Variants in GRB10 observed in about 807,000 individuals in gnomAD.
GRB10 encodes growth factor receptor bound protein 10.
In GRB10, 20 loss-of-function variants were observed where a neutral mutation model predicts 80.9. The ratio of observed to expected loss-of-function variants is 0.25; its 90% CI spans 0.17 to 0.36. GRB10 has a LOEUF of 0.36. Ranked by LOEUF, GRB10 falls within the 10% of genes least tolerant of loss-of-function variation. GRB10 has a pLI of 1.00. For missense variants in GRB10, 548 were observed against 747.7 expected (o/e 0.73, Z 3.12); for synonymous variants, 291 against 291.5 (o/e 1.00, Z 0.02).
intron 5 of GRB10, among the ~76,000 whole-genome samples, chr7:50,682,636 G>T (rs1255586418): frequency 6.6e-6 from 1 of 152,084 alleles, no homozygotes; most frequent in African/African-American, 2.4e-5. Context: ...TGTACTTTTT[G>T]GCTTGTCACT....
Position 50,782,700 on chromosome 7 carries a change from G to A in GRB10, c.-603C>T, listed in dbSNP as rs2078432162. 1 of 151,968 alleles carries A rather than the reference G, an allele frequency of 6.6e-6. No homozygotes were observed. The highest frequency in any genetic ancestry group is 2.4e-5 in the African/African-American group (1 of 41,420). The allele number at this position is 151,968 out of a possible 1,614,324, so 9.4% of individuals were successfully genotyped here. A position where few individuals can be genotyped will look rare whatever the true frequency, so the allele number is the denominator to read the frequency against. On this transcript the variant is annotated 5_prime_UTR_variant, in exon 1 of 19. Coordinates refer to ENST00000401949, the MANE Select transcript of GRB10 (RefSeq NM_001350814.2). The surrounding 1 kb of genome is among the most constrained non-coding windows in gnomAD (Gnocchi z 6.6). ...ACGCCGCCTCTGGGGACGCCATCCG[G>A]GCGAGGGTGGGATGCCGCGCCACCG...
chr7:50,685,032 T>C (rs377062734), intron 5 of GRB10, among the ~76,000 whole-genome samples: 14 of 152,312 alleles, frequency 9.2e-5, no homozygotes, highest in East Asian at 7.7e-4. Flanking sequence ...CTGTGCTCTC[T>C]CAGAAAGTCC....
At chr7:50,770,834 T>C (rs1377497521) in intron 2 of GRB10, among the ~76,000 whole-genome samples, 1 of 152,212 alleles carries the variant, frequency 6.6e-6, no homozygotes, top group Admixed American at 6.5e-5. Context: ...GTGAATATTC[T>C]TTTTACATGG....
At chr7:50,623,919 G>A (rs1292177097) in intron 8 of GRB10, among the ~76,000 whole-genome samples, 2 of 151,972 alleles carry the variant, frequency 1.3e-5, no homozygotes, top group Non-Finnish European at 2.9e-5. Context: ...CATTTCCATT[G>A]AGCATCAAAA....
At chr7:50,727,708 CA>C (rs2068874921) in intron 4 of GRB10, 1 of 144,360 alleles carries the variant, frequency 6.9e-6, no homozygotes, top group Admixed American at 7.1e-5. Flanking sequence ...CTCAAATTTA[CA>C]TAAGTATCGC....
At chr7:50,712,974 C>A (rs752041160) in intron 4 of GRB10, among the ~76,000 whole-genome samples, 22 of 152,206 alleles carry the variant, frequency 1.4e-4, no homozygotes, top group Non-Finnish European at 5.9e-5. Context: ...CTGCCCAGAG[C>A]CTGTCAATCT....
At chr7:50,671,167 G>A (rs1406847307) in intron 6 of GRB10, among the ~76,000 whole-genome samples, 1 of 152,136 alleles carries the variant, frequency 6.6e-6, no homozygotes, top group African/African-American at 2.4e-5. Flanking sequence ...AGGCCACGCG[G>A]CCCTGTCTGC....
chr7:50,784,943 G>A (rs1477626487), upstream of GRB10, among the ~76,000 whole-genome samples: 4 of 152,190 alleles, frequency 2.6e-5, no homozygotes, highest in Non-Finnish European at 4.4e-5. Flanking sequence ...ATTTCATCCC[G>A]GGTCCTCTCC....
intron 7 of GRB10, among the ~76,000 whole-genome samples, chr7:50,660,387 A>G (rs4947757): frequency 0.5 from 76,133 of 151,938 alleles, 19,384 homozygotes; most frequent in South Asian, 0.55. Flanking sequence ...AGTGGGGTGG[A>G]GTGGACGTCC....
chr7:50,685,519 G>C (rs529643679), intron 5 of GRB10, among the ~76,000 whole-genome samples: 1 of 152,318 alleles, frequency 6.6e-6, no homozygotes, highest in East Asian at 1.9e-4. Context: ...TTCTGCAAGA[G>C]AGGTGAAGGA....
chr7:50,608,692 C>T (rs375970927), intron 13 of GRB10, among the ~76,000 whole-genome samples: 4 of 152,162 alleles, frequency 2.6e-5, no homozygotes, highest in African/African-American at 7.2e-5. Flanking sequence ...AGGCCGGGCG[C>T]GGTGGTTCAC....
chr7:50,694,458 G>A (rs1221198948), intron 5 of GRB10, among the ~76,000 whole-genome samples: 2 of 152,236 alleles, frequency 1.3e-5, no homozygotes, highest in Non-Finnish European at 1.5e-5. Flanking sequence ...CTAAAAATGA[G>A]TTTTGGGCTC....
In GRB10 at chr7:50,763,456, T is replaced by G. The variant is rs148539436; in HGVS notation, c.-216-7400A>C. Among the ~76,000 whole-genome samples, 307 of 151,910 alleles carry G rather than the reference T, an allele frequency of 2.0e-3. 7 individuals are homozygous for G. The East Asian group carries it at 0.048, about 24-fold the overall frequency. ...ACAGGCATGGGGAGGCCCGCTGGAG[T>G]GGGGGCAGCAGCTTTCAGACTTTAG... On this transcript the variant is annotated intron_variant, in intron 2 of 18. Transcript: ENST00000401949.
intron 5 of GRB10, among the ~76,000 whole-genome samples, chr7:50,697,392 C>T (rs1186260132): frequency 1.3e-5 from 2 of 152,102 alleles, no homozygotes; most frequent in Non-Finnish European, 2.9e-5. Flanking sequence ...AAAGTACATC[C>T]CTCTCTGCTG....
rs2078427720 is a variant in GRB10, at chr7:50,782,661, C to G, written c.-564G>C. 1 of 151,870 alleles carries G rather than the reference C, an allele frequency of 6.6e-6. No individual in the cohort carries two copies. The highest frequency in any genetic ancestry group is 1.5e-5 in the Non-Finnish European group (1 of 67,978). 9.4% of individuals were successfully genotyped at this position (151,870 alleles called of 1,614,324 possible). On this transcript the variant is annotated 5_prime_UTR_variant, in exon 1 of 19. Coordinates refer to ENST00000401949, the MANE Select transcript of GRB10 (RefSeq NM_001350814.2). The surrounding 1 kb of genome is among the most constrained non-coding windows in gnomAD (Gnocchi z 6.6). ...CGCGCGCCAGGCGAACGCGCTAGCACGAAAAGCGGGCCAACGCCGCCTCTG... is the reference window on the plus strand; with the variant it reads ...CGCGCGCCAGGCGAACGCGCTAGCAGGAAAAGCGGGCCAACGCCGCCTCTG...
At chr7:50,713,648 TCACCTCCACCTCCTCCACCAC>T (rs1287846714) in intron 4 of GRB10, among the ~76,000 whole-genome samples, 7 of 41,342 alleles carry the variant, frequency 1.7e-4, no homozygotes, top group African/African-American at 6.5e-4. Context: ...ACCTCCCCCA[TCACCTCCACCTCCTCCACCAC>T]CACCTCCACC....
intron 2 of GRB10, among the ~76,000 whole-genome samples, chr7:50,778,974 A>G (rs1220690948): frequency 1.3e-5 from 2 of 152,216 alleles, no homozygotes; most frequent in Admixed American, 1.3e-4. Context: ...CAGGAATCCA[A>G]ACAAATGTCA....
At chr7:50,706,161 G>A (rs1054038972) in intron 4 of GRB10, among the ~76,000 whole-genome samples, 7 of 152,288 alleles carry the variant, frequency 4.6e-5, no homozygotes, top group African/African-American at 1.2e-4. Context: ...TAGCATTCCC[G>A]TGGTCTTTGC....
At chr7:50,661,201 G>T (rs1366327329) in intron 7 of GRB10, among the ~76,000 whole-genome samples, 1 of 152,212 alleles carries the variant, frequency 6.6e-6, no homozygotes, top group African/African-American at 2.4e-5. Flanking sequence ...AGCAAAGATG[G>T]TCTAACATAT....
Sources: allele counts gnomAD v4.1 joint callset (sites outside exome capture counted in the v4.1 genomes callset), GRCh38; gene constraint gnomAD v4.1.1; non-coding constraint Gnocchi (gnomAD v3.1); transcripts MANE v1.5; gene names NCBI Gene and HGNC (gene_info 2026-07-23, HGNC 2026-07-21).